The following SUFU variants were observed in gnomAD, a reference collection of about 807,000 sequenced individuals.
SUFU encodes the protein SUFU negative regulator of hedgehog signaling.
SUFU carries 7 observed loss-of-function variants against 58.9 expected under a neutral mutation model. The observed-to-expected ratio is 0.12, with a 90% CI of 0.07 to 0.22. The LOEUF is 0.22. Ranked by LOEUF, SUFU falls within the 10% of genes least tolerant of loss-of-function variation. The pLI, the probability that SUFU is intolerant of heterozygous loss-of-function variation, is 1.00. For synonymous variants in SUFU, 232 were observed against 254.8 expected (o/e 0.91, Z 0.85); for missense variants, 451 against 641.3 (o/e 0.70, Z 3.20).
chr10:102,561,464 G>C (rs1379204599), intron 3 of SUFU, among the ~76,000 whole-genome samples: 14 of 151,738 alleles, frequency 9.2e-5, no homozygotes, highest in Non-Finnish European at 1.5e-4. Flanking sequence ...CCACCTCCCA[G>C]GCTCAAGTGA....
chr10:102,517,917 A>G (rs1316856871), intron 2 of SUFU, among the ~76,000 whole-genome samples: 1 of 152,124 alleles, frequency 6.6e-6, no homozygotes, highest in African/African-American at 2.4e-5. Context: ...GAGTGTGGAG[A>G]CAATGAAGAA....
intron 3 of SUFU, among the ~76,000 whole-genome samples, chr10:102,557,719 G>T (rs1283141419): frequency 6.6e-6 from 1 of 152,002 alleles, no homozygotes; most frequent in Non-Finnish European, 1.5e-5. Flanking sequence ...GTTCAAATGG[G>T]GTCCTCTGGG....
intron 2 of SUFU, among the ~76,000 whole-genome samples, chr10:102,520,475 C>T (rs1185294759): frequency 2.6e-5 from 4 of 152,040 alleles, no homozygotes; most frequent in African/African-American, 7.2e-5. Flanking sequence ...CCACCTCGGC[C>T]TCCCAAAGTG....
intron 3 of SUFU, among the ~76,000 whole-genome samples, chr10:102,583,528 A>G (rs1344951007): frequency 6.6e-6 from 1 of 152,174 alleles, no homozygotes; most frequent in African/African-American, 2.4e-5. Flanking sequence ...TTAAGCCTGC[A>G]CAAAGTGCTT....
At chr10:102,550,909 T>A (rs1481911991) in intron 3 of SUFU, among the ~76,000 whole-genome samples, 1 of 152,066 alleles carries the variant, frequency 6.6e-6, no homozygotes, top group Non-Finnish European at 1.5e-5. Context: ...ACCCAGCTAA[T>A]TTTTTTGTTT....
intron 2 of SUFU, among the ~76,000 whole-genome samples, chr10:102,510,691 C>A (rs536944118): frequency 6.6e-6 from 1 of 152,112 alleles, no homozygotes; most frequent in African/African-American, 2.4e-5. Context: ...GGCATGGTAG[C>A]ATGTGCCTGT....
intron 2 of SUFU, among the ~76,000 whole-genome samples, chr10:102,535,643 G>GAT (rs2062729613): frequency 6.6e-6 from 1 of 152,144 alleles, no homozygotes; most frequent in Non-Finnish European, 1.5e-5. Context: ...CCTTTCTTCT[G>GAT]ATACCATCAC....
intron 3 of SUFU, among the ~76,000 whole-genome samples, chr10:102,584,007 C>T (rs2063311574): frequency 6.6e-6 from 1 of 152,192 alleles, no homozygotes; most frequent in African/African-American, 2.4e-5. Flanking sequence ...TGGGCACTTG[C>T]TGGTAGCGAC....
intron 2 of SUFU, among the ~76,000 whole-genome samples, chr10:102,524,655 T>A (rs562853968): frequency 5.0e-4 from 76 of 152,330 alleles, no homozygotes; most frequent in African/African-American, 1.8e-3. Context: ...ACTTCTGCGA[T>A]GTCTATTATG....
intron 2 of SUFU, among the ~76,000 whole-genome samples, chr10:102,547,579 T>C (rs868373303): frequency 4.1e-4 from 62 of 152,288 alleles, no homozygotes; most frequent in Middle Eastern, 6.8e-3. Context: ...CCTAGCACTT[T>C]GGGAGGCCAA....
intron 8 of SUFU, among the ~76,000 whole-genome samples, chr10:102,602,730 G>A (rs2063525659): frequency 6.6e-6 from 1 of 152,126 alleles, no homozygotes; most frequent in African/African-American, 2.4e-5. Context: ...GGCCCCCTGG[G>A]TAACCCGCTC....
chr10:102,618,931 C>CGTGT (rs59259635), intron 10 of SUFU: 33,155 of 569,714 alleles, frequency 0.058, 904 homozygotes, highest in African/African-American at 0.14. Flanking sequence ...CCTCAGGTAG[C>CGTGT]GTGTGTGTGT....
chr10:102,569,214 C>T (rs986191568), intron 3 of SUFU, among the ~76,000 whole-genome samples: 8 of 151,972 alleles, frequency 5.3e-5, no homozygotes, highest in East Asian at 3.9e-4. Context: ...CACATATGCC[C>T]AGCTCTCCTT....
chr10:102,594,204 C>T lies in SUFU; in HGVS notation c.756+139C>T, dbSNP rs139877584. ...TATGGCATCACTTGGAACTTGTCCCCTGAATTCTGCAGAGCACGTAGGGAG... is the reference window on the plus strand; with the variant it reads ...TATGGCATCACTTGGAACTTGTCCCTTGAATTCTGCAGAGCACGTAGGGAG... On this transcript the variant is annotated intron_variant, in intron 6 of 11. Transcript: ENST00000369902. The T allele has an allele frequency of 1.3e-5, 11 of 856,316 alleles. No individual in the cohort carries two copies. In the East Asian group the frequency reaches 2.1e-4, roughly 16 times the overall value. 53.0% of individuals were successfully genotyped at this position (856,316 alleles called of 1,614,324 possible).
At chr10:102,589,934 G>T (rs540938429) in intron 3 of SUFU, among the ~76,000 whole-genome samples, 42 of 151,864 alleles carry the variant, frequency 2.8e-4, no homozygotes, top group Non-Finnish European at 4.4e-4. Context: ...TTATCAAGAT[G>T]AGGAAGTTCC....
intron 8 of SUFU, among the ~76,000 whole-genome samples, chr10:102,607,776 G>A (rs140375673): frequency 7.2e-5 from 11 of 152,110 alleles, no homozygotes; most frequent in African/African-American, 2.7e-4. Context: ...AGCTGGAAAC[G>A]GTTGCGTGCC....
chr10:102,590,164 T>C (rs1303415846), intron 3 of SUFU, among the ~76,000 whole-genome samples: 4 of 135,056 alleles, frequency 3.0e-5, no homozygotes, highest in East Asian at 2.1e-4. Context: ...TTTTTTCTTT[T>C]TTTTTTTTTT....
intron 3 of SUFU, 75 bp from the exon 4 acceptor site, chr10:102,592,507 A>G: frequency 1.3e-6 from 2 of 1,562,114 alleles, no homozygotes; most frequent in East Asian, 4.5e-5. Context: ...AGCCTGGGCT[A>G]GTGAGATCCC....
intron 3 of SUFU, among the ~76,000 whole-genome samples, chr10:102,582,461 A>G (rs2063291658): frequency 6.6e-6 from 1 of 151,996 alleles, no homozygotes; most frequent in South Asian, 2.1e-4. Flanking sequence ...GGACAGTCCA[A>G]CTTCAAACCA....
Sources: gnomAD v4.1 joint callset for allele counts (sites outside exome capture counted in the v4.1 genomes callset) on GRCh38, gnomAD v4.1.1 for gene constraint, MANE v1.5 for transcripts, NCBI Gene and HGNC (gene_info 2026-07-23, HGNC 2026-07-21) for gene names.